Variants in SYT14 observed in about 807,000 individuals in gnomAD.
SYT14 encodes the protein synaptotagmin-14.
SYT14 carries 32 observed loss-of-function variants against 74.2 expected under a neutral mutation model. The observed-to-expected ratio is 0.43, with a 90% CI of 0.33 to 0.58. The LOEUF (loss-of-function observed/expected upper bound fraction) is 0.58, where lower values mean the gene tolerates loss of function less well. Ranked by LOEUF, SYT14 falls within the 20% of genes least tolerant of loss-of-function variation. SYT14 has a pLI of 0.05. For synonymous variants in SYT14, 298 were observed against 337.7 expected, an observed-to-expected ratio of 0.88 and a Z score of 1.29; for missense variants, 791 against 981.8, an observed-to-expected ratio of 0.81 and a Z score of 2.60.
At chr1:210,013,542 G>A in intron 2 of SYT14, 91 bp from the exon 3 acceptor site, 1 of 1,193,000 alleles carries the variant, frequency 8.4e-7, no homozygotes, top group South Asian at 1.4e-5. Context: ...TTCAAATAAG[G>A]TAGTAAGCTA....
At chr1:210,094,479 C>T (rs1170382874) in exon 6 of SYT14, 17 of 1,613,820 alleles carry the variant, frequency 1.1e-5, no homozygotes, top group Admixed American at 1.7e-5. Flanking sequence ...GTCCAAGATG[C>T]TCATATAACA....
chr1:210,105,156 C>T (rs1225087457), intron 7 of SYT14, among the ~76,000 whole-genome samples: 1 of 152,116 alleles, frequency 6.6e-6, no homozygotes, highest in Non-Finnish European at 1.5e-5. Flanking sequence ...GGGTAGGGCC[C>T]AGCAATCTGC....
At chr1:209,990,987 C>T (rs1262781866) in intron 2 of SYT14, among the ~76,000 whole-genome samples, 2 of 152,116 alleles carry the variant, frequency 1.3e-5, no homozygotes, top group Non-Finnish European at 2.9e-5. Context: ...CCCACACTTA[C>T]AGCAAACTGA....
chr1:210,025,115 TG>T (rs2080382867), intron 5 of SYT14, among the ~76,000 whole-genome samples: 1 of 152,206 alleles, frequency 6.6e-6, no homozygotes, highest in Non-Finnish European at 1.5e-5. Flanking sequence ...GTAACCCAAC[TG>T]TTCACCTTCT....
chr1:210,020,067 GT>G (rs1298293970), intron 4 of SYT14, among the ~76,000 whole-genome samples: 2 of 152,078 alleles, frequency 1.3e-5, no homozygotes, highest in African/African-American at 4.8e-5. Context: ...GCATACCTAT[GT>G]ATGCATTATG....
chr1:210,095,628 G>A (rs761662556), intron 6 of SYT14, among the ~76,000 whole-genome samples: 6 of 152,070 alleles, frequency 3.9e-5, no homozygotes, highest in Admixed American at 2.0e-4. Context: ...AAATATGTCC[G>A]TATTCTTACC....
chr1:210,049,559 T>A (rs1429352311), intron 5 of SYT14, among the ~76,000 whole-genome samples: 1 of 152,100 alleles, frequency 6.6e-6, no homozygotes, highest in Non-Finnish European at 1.5e-5. Context: ...GTTAGGTATT[T>A]CTCCTAATGC....
At chr1:209,974,527 T>A (rs917383659) in intron 2 of SYT14, among the ~76,000 whole-genome samples, 2 of 152,236 alleles carry the variant, frequency 1.3e-5, no homozygotes, top group Non-Finnish European at 2.9e-5. Flanking sequence ...GTTGTAGATA[T>A]GTGGCATTAT....
chr1:209,943,508 C>CAAAAAAAA (rs58806792), intron 1 of SYT14, among the ~76,000 whole-genome samples: 10 of 59,312 alleles, frequency 1.7e-4, no homozygotes, highest in African/African-American at 3.4e-4. Flanking sequence ...GATTCAATCT[C>CAAAAAAAA]AAAAAAAAAA....
At chr1:210,025,535 C>G (rs1178736416) in intron 5 of SYT14, among the ~76,000 whole-genome samples, 1 of 151,960 alleles carries the variant, frequency 6.6e-6, no homozygotes, top group African/African-American at 2.4e-5. Flanking sequence ...TAATAAGGAA[C>G]CTTTAGTGTA....
At chr1:210,149,366 G>A (rs1370618115) in intron 7 of SYT14, among the ~76,000 whole-genome samples, 1 of 151,372 alleles carries the variant, frequency 6.6e-6, no homozygotes, top group African/African-American at 2.4e-5. Flanking sequence ...TGTATTTTTA[G>A]TAGAGGCAGT....
At chr1:210,096,736 C>T (rs2081972871) in intron 6 of SYT14, among the ~76,000 whole-genome samples, 1 of 152,204 alleles carries the variant, frequency 6.6e-6, no homozygotes, top group Non-Finnish European at 1.5e-5. Flanking sequence ...TAGGTTTTAT[C>T]TGCATTTCTT....
chr1:210,104,369 T>G (rs1218065263), intron 7 of SYT14, among the ~76,000 whole-genome samples: 1 of 152,218 alleles, frequency 6.6e-6, no homozygotes, highest in Non-Finnish European at 1.5e-5. Flanking sequence ...CTATTCCACT[T>G]TATGAGTCAG....
intron 5 of SYT14, among the ~76,000 whole-genome samples, chr1:210,083,921 ACTGGAACT>A (rs2102489457): frequency 1.3e-5 from 2 of 152,122 alleles, no homozygotes; most frequent in East Asian, 3.9e-4. Flanking sequence ...CCCAGGCTGG[ACTGGAACT>A]CTTGGTCCCA....
intron 2 of SYT14, among the ~76,000 whole-genome samples, chr1:209,969,337 GCTAAA>G (rs2079207833): frequency 6.6e-6 from 1 of 152,050 alleles, no homozygotes; most frequent in Non-Finnish European, 1.5e-5. Context: ...TTCCATGGTG[GCTAAA>G]CTAATTTACA....
chr1:210,059,427 A>AATAT (rs374307953), intron 5 of SYT14, among the ~76,000 whole-genome samples: 1,624 of 79,882 alleles, frequency 0.02, 74 homozygotes, highest in Admixed American at 0.064. Flanking sequence ...GACAAGAAAG[A>AATAT]ATATATATAT....
At chr1:210,142,302 G>T (rs2082931910) in intron 7 of SYT14, among the ~76,000 whole-genome samples, 2 of 152,098 alleles carry the variant, frequency 1.3e-5, no homozygotes, top group African/African-American at 4.8e-5. Context: ...CACAAACCTT[G>T]GTAGTTCTCA....
At chr1:210,159,205 T>G (rs1215405107) in intron 8 of SYT14, among the ~76,000 whole-genome samples, 1 of 152,188 alleles carries the variant, frequency 6.6e-6, no homozygotes. Context: ...AATTTTTGTT[T>G]AAGATTACAC....
At chr1:210,083,134 C>A (rs1346656239) in intron 5 of SYT14, among the ~76,000 whole-genome samples, 1 of 152,052 alleles carries the variant, frequency 6.6e-6, no homozygotes, top group Non-Finnish European at 1.5e-5. Context: ...GCATGTGCCA[C>A]CATGCCCAGC....
Sources: allele counts gnomAD v4.1 joint callset (sites outside exome capture counted in the v4.1 genomes callset), GRCh38; gene constraint gnomAD v4.1.1; transcripts MANE v1.5; gene names NCBI Gene and HGNC (gene_info 2026-07-23, HGNC 2026-07-21).